TMPRSS7: variants seen among roughly 807,000 people sequenced by gnomAD.
TMPRSS7 encodes the protein transmembrane serine protease 7, also known as transmembrane protease serine 7.
TMPRSS7 carries 81 observed loss-of-function variants against 95.6 expected under a neutral mutation model. That is an observed-to-expected ratio of 0.85 (90% CI 0.71 to 1.02). The LOEUF is 1.02. Ranked by LOEUF, TMPRSS7 falls within the 50% of genes least tolerant of loss-of-function variation. The probability of loss-of-function intolerance (pLI) is 0.00; values close to 1 mark genes in which losing one functional copy is unlikely to be tolerated. For synonymous variants in TMPRSS7, 364 were observed against 337.8 expected (o/e 1.08, Z -0.85); for missense variants, 945 against 955.2 (o/e 0.99, Z 0.14).
chr3:112,063,168 A>G (rs1255196089), intron 11 of TMPRSS7, among the ~76,000 whole-genome samples: 1 of 152,336 alleles, frequency 6.6e-6, no homozygotes. Context: ...AAGACTCCAC[A>G]TTAGGAATGC....
chr3:112,043,270 T>C (rs943126000), intron 3 of TMPRSS7, among the ~76,000 whole-genome samples: 1 of 152,160 alleles, frequency 6.6e-6, no homozygotes, highest in East Asian at 1.9e-4. Context: ...TGTAGGCAAT[T>C]GTAACACAAA....
chr3:112,080,548 C>CT (rs2073765800), intron 17 of TMPRSS7, among the ~76,000 whole-genome samples: 2 of 95,916 alleles, frequency 2.1e-5, no homozygotes, highest in Non-Finnish European at 4.6e-5. Context: ...CTACTACTAC[C>CT]ACCACTACTA....
chr3:112,040,428 G>C (rs1379568207), intron 2 of TMPRSS7, among the ~76,000 whole-genome samples: 3 of 152,164 alleles, frequency 2.0e-5, no homozygotes, highest in African/African-American at 7.2e-5. Context: ...TCATGAACTG[G>C]TTCCCGAACA....
At chr3:112,075,974 T>C (rs763715835) in intron 15 of TMPRSS7, among the ~76,000 whole-genome samples, 69 of 152,348 alleles carry the variant, frequency 4.5e-4, no homozygotes, top group Non-Finnish European at 8.4e-4. Flanking sequence ...CATTTTTTTT[T>C]TAGTATTTCA....
At chr3:112,062,256 CTGTAAATATGATGTTTACACCAACA>C (rs1347953993) in intron 11 of TMPRSS7, among the ~76,000 whole-genome samples, 3 of 152,206 alleles carry the variant, frequency 2.0e-5, no homozygotes, top group Admixed American at 6.5e-5. Context: ...CCATCATTCT[CTGTAAATATGATGTTTACACCAACA>C]TGTAGTGGAT....
intron 3 of TMPRSS7, among the ~76,000 whole-genome samples, chr3:112,043,944 G>A (rs1047000672): frequency 1.3e-5 from 2 of 152,220 alleles, no homozygotes; most frequent in Admixed American, 1.3e-4. Context: ...AGTTTGATTT[G>A]TTAACTGTGG....
chr3:112,045,841 G>A, exon 5 of TMPRSS7: 1 of 1,551,816 alleles, frequency 6.4e-7, no homozygotes, highest in Non-Finnish European at 8.7e-7. Flanking sequence ...AGACTGTGTT[G>A]CCGCCATCTT....
chr3:112,066,625 T>C, intron 13 of TMPRSS7, 123 bp downstream of exon 13: 1 of 844,888 alleles, frequency 1.2e-6, no homozygotes, highest in South Asian at 1.7e-5. Context: ...CTGGAACTTC[T>C]CCAGTTTTAG....
At chr3:112,061,807 A>C in exon 11 of TMPRSS7, 2 of 1,609,266 alleles carry the variant, frequency 1.2e-6, no homozygotes, top group Non-Finnish European at 1.7e-6. Context: ...TCCTACATGG[A>C]TCATCAGACA....
chr3:112,060,490 A>G (rs1025388217), intron 10 of TMPRSS7, among the ~76,000 whole-genome samples: 1 of 152,190 alleles, frequency 6.6e-6, no homozygotes, highest in Non-Finnish European at 1.5e-5. Flanking sequence ...TCAGGGGCAC[A>G]TTCTCTTTCT....
At chr3:112,071,359 G>A (rs1465714709) in intron 13 of TMPRSS7, among the ~76,000 whole-genome samples, 2 of 152,080 alleles carry the variant, frequency 1.3e-5, no homozygotes, top group Admixed American at 1.3e-4. Context: ...CCTGACCTTT[G>A]TCTTTGGCTG....
chr3:112,074,187 C>A (rs1423117715), intron 13 of TMPRSS7, 109 bp from the exon 14 acceptor site: 12 of 736,018 alleles, frequency 1.6e-5, no homozygotes, highest in Non-Finnish European at 2.6e-5. Context: ...AAATACCAAT[C>A]CTGTGATTAA....
rs78228206 is a variant in TMPRSS7 at position 112,038,183 on chromosome 3, C to T, written c.160C>T (p.Pro54Ser). The change falls in exon 2 of 18, where the codon CCC becomes TCC. Residue 54 changes from proline to serine, a missense_variant. Pro to Ser is a moderately conservative substitution (Grantham distance 74). Transcript: ENST00000452346. ...GCCAGGAAGACGACCACCACAAAGA[C>T]CCATTGGCAAAGCCAAACCCAAGAA... 1,107 of 702,676 alleles carry T rather than the reference C, an allele frequency of 1.6e-3. 11 individuals carry two copies. The African/African-American group carries it at 0.018, about 11-fold the overall frequency. The allele number at this position is 702,676 out of a possible 1,614,324, so 43.5% of individuals were successfully genotyped here. A position where few individuals can be genotyped will look rare whatever the true frequency, so the allele number is the denominator to read the frequency against.
intron 8 of TMPRSS7, 149 bp from the exon 9 acceptor site, chr3:112,050,522 G>GAAAAAAAAAAAAC: frequency 6.1e-6 from 1 of 164,128 alleles, no homozygotes. Context: ...CCTTTCTTCT[G>GAAAAAAAAAAAAC]AAAAAAAAAA....
intron 9 of TMPRSS7, among the ~76,000 whole-genome samples, chr3:112,051,426 G>C (rs1222410968): frequency 1.3e-5 from 2 of 151,994 alleles, no homozygotes; most frequent in African/African-American, 4.8e-5. Flanking sequence ...TATCTGTAGG[G>C]TTCCTGGAAC....
chr3:112,050,273 A>G (rs775762510), intron 8 of TMPRSS7, among the ~76,000 whole-genome samples: 1 of 152,194 alleles, frequency 6.6e-6, no homozygotes, highest in Non-Finnish European at 1.5e-5. Flanking sequence ...GGCTGGGTGA[A>G]CAAAGGAAAG....
chr3:112,038,727 C>T (rs527308201), intron 2 of TMPRSS7, among the ~76,000 whole-genome samples: 1 of 152,286 alleles, frequency 6.6e-6, no homozygotes, highest in African/African-American at 2.4e-5. Flanking sequence ...AACAATCCTC[C>T]CACCTTGGCC....
intron 7 of TMPRSS7, 128 bp from the exon 8 acceptor site, chr3:112,049,716 A>G: frequency 1.4e-6 from 1 of 707,064 alleles, no homozygotes. Context: ...TGGCTGGGAG[A>G]GATTCCCAAG....
At chr3:112,047,112 T>C in intron 6 of TMPRSS7, 100 bp downstream of exon 6, 1 of 673,202 alleles carries the variant, frequency 1.5e-6, no homozygotes, top group Non-Finnish European at 2.7e-6. Flanking sequence ...GCTCTTTTAA[T>C]TGCAAGTGAC....
Sources: gnomAD v4.1 joint callset for allele counts (sites outside exome capture counted in the v4.1 genomes callset) on GRCh38, gnomAD v4.1.1 for gene constraint, MANE v1.5 for transcripts, NCBI Gene and HGNC (gene_info 2026-07-23, HGNC 2026-07-21) for gene names.